Variants in GDAP1 observed in about 807,000 individuals in gnomAD.
GDAP1 encodes ganglioside-induced differentiation-associated protein 1.
A neutral mutation model predicts 40.1 loss-of-function variants in GDAP1; 34 were observed. The ratio of observed to expected loss-of-function variants is 0.85; its 90% CI spans 0.64 to 1.13. The LOEUF (loss-of-function observed/expected upper bound fraction) is 1.13. Ranked by LOEUF, GDAP1 falls within the 50% of genes most tolerant of loss-of-function variation. GDAP1 has a pLI of 0.00. For missense variants in GDAP1, 374 were observed against 433.7 expected, an observed-to-expected ratio of 0.86 and a Z score of 1.22; for synonymous variants, 170 against 157.4, an observed-to-expected ratio of 1.08 and a Z score of -0.60.
chr8:74,362,918 C>A, intron 4 of GDAP1, 21 bp from the exon 5 acceptor site: 1 of 1,040,376 alleles, frequency 9.6e-7, no homozygotes, highest in South Asian at 1.3e-5. Flanking sequence ...TGTTTGGTTT[C>A]TTTTTTTGGT....
chr8:74,479,773 C>CA (rs1806683059), intron 2 of GDAP1, among the ~76,000 whole-genome samples: 1 of 152,020 alleles, frequency 6.6e-6, no homozygotes, highest in Admixed American at 6.6e-5. Flanking sequence ...GTTGCTAGGC[C>CA]AAAAATCCTT....
rs1487759459 is a variant in GDAP1, at chr8:74,451,220, C to T, written c.166-37458C>T. Among the ~76,000 whole-genome samples the T allele has an allele frequency of 8.5e-5, 7 of 82,534 alleles. 3 individuals are homozygous for T. Among genetic ancestry groups the T allele is most frequent in the Non-Finnish European group, 1.7e-4 (7 of 40,824 alleles). The allele number at this position is 82,534 out of a possible 152,430, so 54.1% of individuals were successfully genotyped here. A position where few individuals can be genotyped will look rare whatever the true frequency, so the allele number is the denominator to read the frequency against. On this transcript the variant is annotated intron_variant, in intron 2 of 2. Coordinates refer to the GDAP1 transcript ENST00000523640. ...ATCCTAGCACTTTAGGGGGCTGAGG[C>T]GGGTGGATCACTTGAGGCCAGGAGT... is the stretch of plus-strand genomic sequence containing the variant.
intron 2 of GDAP1, among the ~76,000 whole-genome samples, chr8:74,467,375 T>C (rs764433888): frequency 6.6e-5 from 10 of 152,206 alleles, no homozygotes; most frequent in African/African-American, 2.4e-4. Context: ...CTGGTTCAAG[T>C]GTGGAACAGA....
intron 2 of GDAP1, among the ~76,000 whole-genome samples, chr8:74,473,479 G>T (rs563904021): frequency 1.3e-5 from 2 of 152,296 alleles, no homozygotes; most frequent in East Asian, 3.9e-4. Flanking sequence ...TGTATATGGT[G>T]TATGGAAAGG....
intron 2 of GDAP1, among the ~76,000 whole-genome samples, chr8:74,440,590 G>C (rs534511553): frequency 2.6e-5 from 3 of 116,666 alleles, no homozygotes; most frequent in South Asian, 6.2e-4. Flanking sequence ...CTGAATTATT[G>C]TTACTTTAGA....
intron 2 of GDAP1, among the ~76,000 whole-genome samples, chr8:74,374,100 A>T (rs775703550): frequency 7.9e-5 from 12 of 152,192 alleles, no homozygotes; most frequent in Non-Finnish European, 1.2e-4. Flanking sequence ...CATCCCAGGG[A>T]TGAAGACCAC....
Position 74,365,005 on chromosome 8 carries a change from G to A in GDAP1, c.*638G>A, listed in dbSNP as rs1809554016. 1 of 453,942 alleles carries A rather than the reference G, an allele frequency of 2.2e-6. No individual in the cohort carries two copies. The highest frequency in any genetic ancestry group is 1.6e-5 in the South Asian group (1 of 64,472). 28.1% of individuals were successfully genotyped at this position (453,942 alleles called of 1,614,324 possible). A position where few individuals can be genotyped will look rare whatever the true frequency, so the allele number is the denominator to read the frequency against. ...TGGTCCGCAATTTGAATTACCAAGT[G>A]GTAATGGTTCCTTACTGTTTTAGAT... On this transcript the variant is annotated 3_prime_UTR_variant, in exon 6 of 6. Coordinates refer to ENST00000220822, the MANE Select transcript of GDAP1 (RefSeq NM_018972.4).
chr8:74,395,209 G>A lies in GDAP1; in HGVS notation c.165+43888G>A, dbSNP rs976602786. Among the ~76,000 whole-genome samples the A allele has an allele frequency of 5.3e-5, 8 of 152,316 alleles. No individual in the cohort carries two copies. In the South Asian group the frequency reaches 1.7e-3, roughly 32 times the overall value. ...TTGATCAGAATTTTTAAGCATGTTAGTGAGTATGGACACCACTTCAATAAC... is the reference window on the plus strand; with the variant it reads ...TTGATCAGAATTTTTAAGCATGTTAATGAGTATGGACACCACTTCAATAAC... On this transcript the variant is annotated intron_variant, in intron 2 of 2. Transcript: ENST00000523640.
intron 2 of GDAP1, among the ~76,000 whole-genome samples, chr8:74,423,892 A>G (rs528783369): frequency 6.6e-6 from 1 of 152,250 alleles, no homozygotes; most frequent in African/African-American, 2.4e-5. Flanking sequence ...AGAGAAGGGG[A>G]AGTTCCCTGG....
At chr8:74,398,102 T>G (rs1458633271) in intron 2 of GDAP1, among the ~76,000 whole-genome samples, 1 of 152,026 alleles carries the variant, frequency 6.6e-6, no homozygotes, top group Non-Finnish European at 1.5e-5. Context: ...CTAGGTATTT[T>G]ATTCTCTTTG....
At chr8:74,391,801 T>C (rs1432081029) in intron 2 of GDAP1, among the ~76,000 whole-genome samples, 3 of 152,152 alleles carry the variant, frequency 2.0e-5, no homozygotes, top group African/African-American at 7.2e-5. Flanking sequence ...ATATTTATTA[T>C]TGACTTCAGA....
intron 2 of GDAP1, among the ~76,000 whole-genome samples, chr8:74,441,050 A>G (rs1034186444): frequency 6.6e-6 from 1 of 152,130 alleles, no homozygotes; most frequent in African/African-American, 2.4e-5. Context: ...TCTTTAAAGT[A>G]TCAGTAATCT....
At chr8:74,475,689 T>A (rs952876923) in intron 2 of GDAP1, among the ~76,000 whole-genome samples, 1 of 152,162 alleles carries the variant, frequency 6.6e-6, no homozygotes, top group Non-Finnish European at 1.5e-5. Flanking sequence ...TGCTGAGGAT[T>A]GTTTTTTGTC....
rs1371293794 is a variant in GDAP1, at chr8:74,366,601, A to G, written c.*2234A>G. On this transcript the variant is annotated 3_prime_UTR_variant, in exon 6 of 6. Transcript: ENST00000220822. Reference sequence around the variant, plus strand: ...TCATCAATTTCCAAAATTTGTATAAATATCACAATTAGAAAAATGCCTGAG... The same window carrying G: ...TCATCAATTTCCAAAATTTGTATAAGTATCACAATTAGAAAAATGCCTGAG... The G allele has an allele frequency of 4.4e-6, 2 of 453,660 alleles. No homozygotes were observed. The highest frequency in any genetic ancestry group is 6.9e-5 in the East Asian group (1 of 14,398). 28.1% of individuals were successfully genotyped at this position (453,660 alleles called of 1,614,324 possible). A position where few individuals can be genotyped will look rare whatever the true frequency, so the allele number is the denominator to read the frequency against.
intron 2 of GDAP1, among the ~76,000 whole-genome samples, chr8:74,488,376 C>T (rs1179772826): frequency 1.3e-5 from 2 of 152,102 alleles, no homozygotes; most frequent in African/African-American, 2.4e-5. Flanking sequence ...TCTTCCTTTC[C>T]CCCACAACAG....
chr8:74,453,327 A>G (rs1806306204), intron 2 of GDAP1, among the ~76,000 whole-genome samples: 1 of 84,676 alleles, frequency 1.2e-5, no homozygotes, highest in African/African-American at 5.1e-5. Flanking sequence ...TATCAATAAA[A>G]TGGGGACATT....
chr8:74,395,730 A>G (rs1191856196), intron 2 of GDAP1, among the ~76,000 whole-genome samples: 1 of 152,200 alleles, frequency 6.6e-6, no homozygotes, highest in East Asian at 1.9e-4. Flanking sequence ...AAAGCCAACT[A>G]TTAAAACACC....
chr8:74,396,929 A>C (rs1450208643), intron 2 of GDAP1, among the ~76,000 whole-genome samples: 1 of 152,232 alleles, frequency 6.6e-6, no homozygotes, highest in Non-Finnish European at 1.5e-5. Context: ...AGGAATCGCC[A>C]CACTGACTTC....
rs564108641 is a variant in GDAP1 at position 74,455,732 on chromosome 8, A to G, written c.166-32946A>G. Among the ~76,000 whole-genome samples, 4 of 151,868 alleles carry G rather than the reference A, an allele frequency of 2.6e-5. No homozygotes were observed. In the East Asian group the frequency reaches 5.8e-4, roughly 22 times the overall value. On this transcript the variant is annotated intron_variant, in intron 2 of 2. Transcript: ENST00000523640. ...TTTAGATATTTCTTGCTTGACAACT[A>G]TATGTTTGGGTGTGCCAAGTGCTTG...
Sources: allele counts gnomAD v4.1 joint callset (sites outside exome capture counted in the v4.1 genomes callset), GRCh38; gene constraint gnomAD v4.1.1; transcripts MANE v1.5; gene names NCBI Gene and HGNC (gene_info 2026-07-23, HGNC 2026-07-21).